The following PTPRU variants were observed in gnomAD, a reference collection of about 807,000 sequenced individuals.
The protein encoded by PTPRU is protein tyrosine phosphatase receptor type U.
In PTPRU, 69 loss-of-function variants were observed where a neutral mutation model predicts 166.3. The observed-to-expected ratio is 0.41, with a 90% CI of 0.34 to 0.51. The LOEUF (loss-of-function observed/expected upper bound fraction) is 0.51. PTPRU is among the 20% of genes least tolerant of loss of function. The pLI is 0.09. For missense variants in PTPRU, 1,657 were observed against 2,013.7 expected, an observed-to-expected ratio of 0.82 and a Z score of 3.39; for synonymous variants, 793 against 814.0, an observed-to-expected ratio of 0.97 and a Z score of 0.44.
chr1:29,278,938 A>C, intron 8 of PTPRU, 74 bp from the exon 9 acceptor site: 1 of 1,203,440 alleles, frequency 8.3e-7, no homozygotes, highest in Non-Finnish European at 1.2e-6. Context: ...GGAAGCGGCA[A>C]GGCTGGAATT....
At chr1:29,300,433 A>G (rs1199701809) in intron 15 of PTPRU, among the ~76,000 whole-genome samples, 4 of 152,028 alleles carry the variant, frequency 2.6e-5, no homozygotes, top group African/African-American at 9.7e-5. Flanking sequence ...AATTTCACAG[A>G]CTCCTTTAAA....
At chr1:29,309,184 C>T (rs1687537332) in intron 18 of PTPRU, among the ~76,000 whole-genome samples, 3 of 152,126 alleles carry the variant, frequency 2.0e-5, no homozygotes, top group African/African-American at 7.2e-5. Flanking sequence ...AGAACAAAGG[C>T]TTAGAGAGGC....
chr1:29,272,324 C>T (rs1236818148), intron 7 of PTPRU, among the ~76,000 whole-genome samples: 2 of 152,090 alleles, frequency 1.3e-5, no homozygotes, highest in African/African-American at 4.8e-5. Flanking sequence ...TTGGGTGGTC[C>T]CTGCTTGTGG....
chr1:29,277,705 C>T (rs1685866574), intron 8 of PTPRU, among the ~76,000 whole-genome samples: 1 of 147,488 alleles, frequency 6.8e-6, no homozygotes, highest in African/African-American at 2.5e-5. Context: ...TGGTAGGTTA[C>T]TATTTCTATT....
In PTPRU at chr1:29,291,896, C is replaced by T. The variant is rs761609935; in HGVS notation, c.2346C>T (p.Thr782=). 71 of 1,613,914 alleles carry T rather than the reference C, an allele frequency of 4.4e-5. No individual in the cohort carries two copies. The highest frequency in any genetic ancestry group is 1.6e-4 in the South Asian group (15 of 91,050). The part of the protein sequence containing the change: ...KGKPVNMTKA[T]VNYRQEKTHM... ...AGCCGGTGAACATGACCAAGGCCAC[C>T]GTCAACTACCGCCAGGAGAAGACAC... Residue 782 remains threonine, a synonymous_variant, in exon 15 of 30, where the codon ACC becomes ACT. Coordinates refer to ENST00000373779, the MANE Select transcript of PTPRU (RefSeq NM_133178.4). This position sits in a 1 kb window ranked among gnomAD's most constrained non-coding sequence, Gnocchi z 4.1.
chr1:29,250,245 A>G (rs762865994), intron 1 of PTPRU, among the ~76,000 whole-genome samples: 1 of 152,066 alleles, frequency 6.6e-6, no homozygotes, highest in Non-Finnish European at 1.5e-5. Context: ...AGGGCAGGGC[A>G]GAGTCTTCAT....
rs558044081 is a variant in PTPRU, at chr1:29,280,388, G to A, written c.1868+247G>A. The stretch of plus-strand genomic sequence containing the variant: ...GGACCCTGGATAGGTCCAGCCTGGA[G>A]AGGGGACTGTCCAGGCCTGTCCAGG... On this transcript the variant is annotated intron_variant, in intron 11 of 29. Coordinates refer to ENST00000373779, the MANE Select transcript of PTPRU (RefSeq NM_133178.4). The surrounding 1 kb of genome is among the most constrained non-coding windows in gnomAD (Gnocchi z 4.2). Among the ~76,000 whole-genome samples, 3 of 152,248 alleles carry A rather than the reference G, an allele frequency of 2.0e-5. No individual in the cohort carries two copies. Among genetic ancestry groups the A allele is most frequent in the Admixed American group, 1.3e-4 (2 of 15,288 alleles).
chr1:29,259,451 A>G lies in PTPRU; in HGVS notation c.562A>G (p.Lys188Glu). The G allele has an allele frequency of 6.2e-7, 1 of 1,610,620 alleles. No homozygotes were observed. Among genetic ancestry groups the G allele is most frequent in the Non-Finnish European group, 8.5e-7 (1 of 1,177,704 alleles). ...DILLLSYPCA[K>E]APHFSRLGDV... ...ACGATGCAGCTCTAACCCCGCAGCA[A>G]AGGCCCCACACTTCTCCCGCCTGGG... Residue 188 changes from lysine to glutamate, a missense_variant and splice_region_variant, in exon 5 of 30, where the codon AAG (lysine) becomes GAG (glutamate). Physicochemically the swap from Lys to Glu is moderately conservative, Grantham distance 56. This residue lies in a region of PTPRU where 453 missense variants were observed against 496.9 expected (regional missense o/e 0.91). Transcript: ENST00000373779.
chr1:29,311,549 G>A lies in PTPRU; in HGVS notation c.2951G>A (p.Gly984Asp). 4 of 1,614,230 alleles carry A rather than the reference G, an allele frequency of 2.5e-6. No homozygotes were observed. The highest frequency in any genetic ancestry group is 2.2e-5 in the East Asian group (1 of 44,880). Residue 984 changes from glycine (G) to aspartate (D), a missense_variant, in exon 20 of 30, where the codon GGC (glycine) becomes GAC (aspartate). Around this residue, in one of 3 missense-constraint regions of PTPRU, gnomAD observed 1,190 missense variants for 1,477.4 expected, o/e 0.81. Transcript: ENST00000373779. The surrounding 1 kb of genome is among the most constrained non-coding windows in gnomAD (Gnocchi z 4.1). ...ATGATCACCAAGCTGGTCGAGGTGG[G>A]CAGGGTAAGCCGGGCTGTGGGGCGA... ...IVMITKLVEV[G>D]RVKCSRYWPE...
intron 7 of PTPRU, among the ~76,000 whole-genome samples, chr1:29,264,051 G>A (rs1219225824): frequency 6.6e-6 from 1 of 151,944 alleles, no homozygotes; most frequent in Non-Finnish European, 1.5e-5. Context: ...GTGGTGGGCT[G>A]TTGTCCCAGC....
At position 29,326,154 on chromosome 1, in the gene PTPRU, G is replaced by A. The variant is rs190714523; in HGVS notation, c.*493G>A. 2 of 345,804 alleles carry A rather than the reference G, an allele frequency of 5.8e-6. No individual in the cohort carries two copies. Among genetic ancestry groups the A allele is most frequent in the Non-Finnish European group, 1.0e-5 (2 of 192,644 alleles). The allele number at this position is 345,804 out of a possible 1,614,324, so 21.4% of individuals were successfully genotyped here. On this transcript the variant is annotated 3_prime_UTR_variant, in exon 30 of 30. Coordinates refer to ENST00000373779, the MANE Select transcript of PTPRU (RefSeq NM_133178.4). ...CTGGCCCAGCCCCTGAAGGTCCTGG[G>A]GAAGCAGGTCTCAATTCTGAATAGC...
chr1:29,314,365 A>C (rs768882717), intron 22 of PTPRU, among the ~76,000 whole-genome samples: 3 of 152,132 alleles, frequency 2.0e-5, no homozygotes, highest in Non-Finnish European at 4.4e-5. Flanking sequence ...CACCAGGGGT[A>C]TTTGGGGTAT....
chr1:29,296,992 C>T (rs951170841), intron 15 of PTPRU, among the ~76,000 whole-genome samples: 2 of 149,800 alleles, frequency 1.3e-5, no homozygotes, highest in African/African-American at 4.9e-5. Context: ...TCATATTCTC[C>T]TTGTAATCTC....
intron 18 of PTPRU, among the ~76,000 whole-genome samples, chr1:29,310,161 T>C (rs1687581706): frequency 6.6e-6 from 1 of 152,138 alleles, no homozygotes; most frequent in Non-Finnish European, 1.5e-5. Flanking sequence ...TTATTGATCT[T>C]AAAGATTTTA....
chr1:29,285,822 T>C (rs903883694), intron 14 of PTPRU, among the ~76,000 whole-genome samples: 1 of 152,202 alleles, frequency 6.6e-6, no homozygotes, highest in African/African-American at 2.4e-5. Context: ...GTTTGCCAGC[T>C]CTGCCCCACC....
At chr1:29,244,978 G>T (rs1684227508) in intron 1 of PTPRU, among the ~76,000 whole-genome samples, 1 of 152,074 alleles carries the variant, frequency 6.6e-6, no homozygotes, top group Non-Finnish European at 1.5e-5. Context: ...GGTGGTTGGG[G>T]AGTGCCTAGC....
rs758999072 is a variant in PTPRU, at chr1:29,275,677, C to T, written c.1374C>T (p.Asn458=). 1.9e-5 allele frequency: 30 copies of T among 1,614,040 alleles called. No individual in the cohort carries two copies. The highest frequency in any genetic ancestry group is 2.2e-5 in the East Asian group (1 of 44,898). The change falls in exon 8 of 30, where the codon AAC becomes AAT. Residue 458 remains asparagine, a synonymous_variant. Transcript: ENST00000373779. The stretch of plus-strand genomic sequence containing the variant: ...TCAAGAACCTGCTGCCCTATCGGAA[C>T]GTTCACGTGAGGCTTGTCCTCACTA... ...YTIKNLLPYR[N]VHVRLVLTNP...
chr1:29,289,624 C>A, intron 14 of PTPRU: 2 of 1,609,006 alleles, frequency 1.2e-6, no homozygotes, highest in Non-Finnish European at 1.7e-6. Context: ...TGCCTCAGCC[C>A]GGCCTTGGTG....
At chr1:29,302,425 C>T (rs1174493492) in intron 15 of PTPRU, among the ~76,000 whole-genome samples, 1 of 152,130 alleles carries the variant, frequency 6.6e-6, no homozygotes, top group Non-Finnish European at 1.5e-5. Context: ...CTCACAGTAG[C>T]GTACAGGAAT....
Sources: gnomAD v4.1 joint callset for allele counts (sites outside exome capture counted in the v4.1 genomes callset) on GRCh38, gnomAD v4.1.1 for gene constraint, gnomAD v4.1.1 regional missense constraint, Gnocchi (gnomAD v3.1) non-coding constraint, MANE v1.5 for transcripts, NCBI Gene and HGNC (gene_info 2026-07-23, HGNC 2026-07-21) for gene names.